The following SSH2 variants were observed in gnomAD, a reference collection of about 807,000 sequenced individuals.
The protein encoded by SSH2 is slingshot protein phosphatase 2.
A neutral mutation model predicts 135.2 loss-of-function variants in SSH2; 37 were observed. The observed-to-expected ratio is 0.27, with a 90% confidence interval of 0.21 to 0.36. The LOEUF is 0.36. Ranked by LOEUF, SSH2 falls within the 10% of genes least tolerant of loss-of-function variation. The pLI is 1.00. For synonymous variants in SSH2, 628 were observed against 646.2 expected, an observed-to-expected ratio of 0.97 and a Z score of 0.43; for missense variants, 1,408 against 1,765.3, an observed-to-expected ratio of 0.80 and a Z score of 3.63.
chr17:29,744,860 AGTGT>A (rs71689248), intron 3 of SSH2, among the ~76,000 whole-genome samples: 11,624 of 140,404 alleles, frequency 0.083, 466 homozygotes, highest in African/African-American at 0.092. Context: ...GGATTACTTG[AGTGT>A]GTGTGTGTGT....
chr17:29,666,963 G>A lies in SSH2; in HGVS notation c.936C>T (p.Cys312=). ...IRTELEMQMV[C]NLREFKEFID... ...TAAATTCCTTGAATTCCCGCAAGTT[G>A]CACACCATTTGCATTTCCAACTCTG... Residue 312 remains cysteine (C), a synonymous_variant, in exon 11 of 16, where the codon TGC becomes TGT. Transcript: ENST00000540801. The A allele has an allele frequency of 6.2e-7, 1 of 1,613,998 alleles. No individual in the cohort carries two copies. The highest frequency in any genetic ancestry group is 1.7e-5 in the Admixed American group (1 of 59,998).
chr17:29,894,618 A>G (rs956158101), intron 1 of SSH2, among the ~76,000 whole-genome samples: 7 of 151,940 alleles, frequency 4.6e-5, no homozygotes, highest in African/African-American at 1.7e-4. Flanking sequence ...AATAGTTTCA[A>G]TCCACAGTTG....
chr17:29,864,668 G>A (rs2065824436), intron 1 of SSH2, among the ~76,000 whole-genome samples: 1 of 143,824 alleles, frequency 7.0e-6, no homozygotes, highest in South Asian at 2.2e-4. Context: ...AAGAAACAAC[G>A]CTGTCATCTC....
chr17:29,710,415 G>A (rs2039392071), intron 3 of SSH2, among the ~76,000 whole-genome samples: 1 of 152,116 alleles, frequency 6.6e-6, no homozygotes, highest in Non-Finnish European at 1.5e-5. Flanking sequence ...AAAGTGAGTT[G>A]GTTGGTATTT....
intron 3 of SSH2, among the ~76,000 whole-genome samples, chr17:29,734,197 A>G (rs568244425): frequency 2.0e-5 from 3 of 152,282 alleles, no homozygotes; most frequent in East Asian, 1.9e-4. Flanking sequence ...CTGGGATTAT[A>G]GGCATGAGCC....
chr17:29,887,286 T>C (rs1431968234), intron 1 of SSH2, among the ~76,000 whole-genome samples: 2 of 152,206 alleles, frequency 1.3e-5, no homozygotes, highest in East Asian at 3.8e-4. Flanking sequence ...ACATCTTAGA[T>C]ATTATAACTA....
intron 1 of SSH2, among the ~76,000 whole-genome samples, chr17:29,903,905 G>A (rs2066606167): frequency 6.6e-6 from 1 of 152,082 alleles, no homozygotes; most frequent in African/African-American, 2.4e-5. Context: ...TGCATCATTT[G>A]CATAAATACA....
At chr17:29,889,340 G>T (rs2066302934) in intron 1 of SSH2, among the ~76,000 whole-genome samples, 1 of 152,124 alleles carries the variant, frequency 6.6e-6, no homozygotes, top group Non-Finnish European at 1.5e-5. Flanking sequence ...TAGCTACTTG[G>T]GAGGCTGAGG....
chr17:29,877,269 T>C lies in SSH2; in HGVS notation c.64-28340A>G, dbSNP rs572426482. Among the ~76,000 whole-genome samples the C allele has an allele frequency of 3.9e-5, 6 of 152,346 alleles. No homozygotes were observed. The South Asian group carries it at 8.3e-4, about 21-fold the overall frequency. Reference sequence around the variant, plus strand: ...AAAAAAGGGAACCCTTGTAAACTGTTGATCGGAATGTAAATTAATACAACC... The same window carrying C: ...AAAAAAGGGAACCCTTGTAAACTGTCGATCGGAATGTAAATTAATACAACC... On this transcript the variant is annotated intron_variant, in intron 1 of 15. Coordinates refer to ENST00000540801, the MANE Select transcript of SSH2 (RefSeq NM_001282129.2).
At chr17:29,927,601 C>A (rs1962432314) in intron 1 of SSH2, among the ~76,000 whole-genome samples, 2 of 152,178 alleles carry the variant, frequency 1.3e-5, no homozygotes, top group Non-Finnish European at 2.9e-5. Context: ...AACAACCCAA[C>A]CTATTCATAC....
chr17:29,796,020 G>C (rs1023621043), intron 2 of SSH2, among the ~76,000 whole-genome samples: 1 of 152,166 alleles, frequency 6.6e-6, no homozygotes, highest in African/African-American at 2.4e-5. Context: ...TGGGATTATA[G>C]GCGTGAGCCA....
At chr17:29,777,108 A>T (rs2041720212) in intron 3 of SSH2, among the ~76,000 whole-genome samples, 1 of 152,048 alleles carries the variant, frequency 6.6e-6, no homozygotes, top group South Asian at 2.1e-4. Flanking sequence ...GCTACTTGGG[A>T]GGCTGAGGCA....
intron 1 of SSH2, chr17:29,928,473 T>G (rs2067110114): frequency 2.5e-6 from 1 of 398,408 alleles, no homozygotes; most frequent in African/African-American, 2.1e-5. Context: ...CTTGAATATT[T>G]CCAGCAATGT....
intron 1 of SSH2, among the ~76,000 whole-genome samples, chr17:29,851,639 G>T (rs1376613843): frequency 6.6e-6 from 1 of 151,756 alleles, no homozygotes; most frequent in African/African-American, 2.4e-5. Flanking sequence ...ACTGGAGAGA[G>T]CTTGAGCCCA....
intron 1 of SSH2, among the ~76,000 whole-genome samples, chr17:29,878,093 C>T (rs1239270965): frequency 6.6e-6 from 1 of 151,618 alleles, no homozygotes; most frequent in East Asian, 1.9e-4. Flanking sequence ...TCGAAGATAG[C>T]ACAACAGGGT....
intron 1 of SSH2, among the ~76,000 whole-genome samples, chr17:29,909,093 T>C (rs2066717352): frequency 6.6e-6 from 1 of 151,772 alleles, no homozygotes. Flanking sequence ...AAAAAAAAAA[T>C]TTCTCCAAAC....
intron 4 of SSH2, among the ~76,000 whole-genome samples, chr17:29,699,918 G>T (rs1395900677): frequency 6.6e-6 from 1 of 152,174 alleles, no homozygotes; most frequent in Non-Finnish European, 1.5e-5. Context: ...TCCAAAAGAG[G>T]TTATTTCTTC....
At chr17:29,771,538 G>A (rs1163727831) in intron 3 of SSH2, among the ~76,000 whole-genome samples, 1 of 152,204 alleles carries the variant, frequency 6.6e-6, no homozygotes, top group Non-Finnish European at 1.5e-5. Context: ...TAAATAAGGA[G>A]TAGCCCTTAA....
chr17:29,674,718 G>T (rs1262319397), intron 8 of SSH2, among the ~76,000 whole-genome samples: 2 of 152,068 alleles, frequency 1.3e-5, no homozygotes, highest in Non-Finnish European at 2.9e-5. Context: ...GCTTCCCTGG[G>T]CCACATCGGA....
Sources: gnomAD v4.1 joint callset for allele counts (sites outside exome capture counted in the v4.1 genomes callset) on GRCh38, gnomAD v4.1.1 for gene constraint, MANE v1.5 for transcripts, NCBI Gene and HGNC (gene_info 2026-07-23, HGNC 2026-07-21) for gene names.